NCKAP5: variants seen among roughly 807,000 people sequenced by gnomAD.
NCKAP5 encodes the protein NCK associated protein 5.
A neutral mutation model predicts 167.0 loss-of-function variants in NCKAP5; 92 were observed. That is an observed-to-expected ratio of 0.55 (90% confidence interval 0.47 to 0.66). The LOEUF is 0.66. Among genes scored for constraint, NCKAP5 ranks in the 30% least tolerant of loss-of-function variants. The pLI is 0.00. For synonymous variants in NCKAP5, 891 were observed against 877.4 expected (o/e 1.02, Z -0.27); for missense variants, 2,378 against 2,315.0 (o/e 1.03, Z -0.56).
At chr2:132,869,636 A>G (rs988694) in intron 9 of NCKAP5, among the ~76,000 whole-genome samples, 89,400 of 152,002 alleles carry the variant, frequency 0.59, 27,073 homozygotes, top group East Asian at 0.81. Context: ...TTCTTGTAGC[A>G]AAATGTTGCC....
chr2:132,803,323 G>A (rs1170490118), intron 11 of NCKAP5, among the ~76,000 whole-genome samples: 1 of 152,194 alleles, frequency 6.6e-6, no homozygotes, highest in African/African-American at 2.4e-5. Context: ...ACAACTTTTA[G>A]ACTTGCCTTG....
At chr2:133,660,601 C>T in the NCKAP5 span, among the ~76,000 whole-genome samples, 51 of 152,216 alleles carry the variant, frequency 3.4e-4, no homozygotes, top group Admixed American at 2.8e-3. Context: ...CATACTGAAA[C>T]ATTATAAGTT....
At chr2:133,384,980 C>T (rs144494435) in intron 3 of NCKAP5, among the ~76,000 whole-genome samples, 2,174 of 152,176 alleles carry the variant, frequency 0.014, 48 homozygotes, top group African/African-American at 0.048. Context: ...TATACAATCA[C>T]GTCATCTGCA....
chr2:133,131,348 C>T (rs2082596831), intron 5 of NCKAP5, among the ~76,000 whole-genome samples: 1 of 152,170 alleles, frequency 6.6e-6, no homozygotes, highest in Non-Finnish European at 1.5e-5. Flanking sequence ...CAACTTATCC[C>T]TCATCACTGC....
At chr2:132,778,775 C>G (rs1212796235) in intron 15 of NCKAP5, among the ~76,000 whole-genome samples, 1 of 152,174 alleles carries the variant, frequency 6.6e-6, no homozygotes, top group African/African-American at 2.4e-5. Context: ...CATCAATGTG[C>G]TGTGGTGTTA....
At chr2:133,458,139 T>C (rs1465552014) in intron 3 of NCKAP5, among the ~76,000 whole-genome samples, 2 of 152,192 alleles carry the variant, frequency 1.3e-5, no homozygotes, top group Non-Finnish European at 2.9e-5. Context: ...ACAAACTTTA[T>C]TGAGTTTGGA....
At chr2:133,153,348 G>C (rs1470207455) in intron 5 of NCKAP5, among the ~76,000 whole-genome samples, 1 of 152,114 alleles carries the variant, frequency 6.6e-6, no homozygotes, top group Non-Finnish European at 1.5e-5. Context: ...ATTAATGCAA[G>C]ATGTTAATCA....
chr2:133,484,455 C>T (rs1575040971), intron 3 of NCKAP5, among the ~76,000 whole-genome samples: 1 of 152,300 alleles, frequency 6.6e-6, no homozygotes, highest in South Asian at 2.1e-4. Context: ...GAAACGATGC[C>T]ATTTCCCATC....
chr2:133,091,440 T>C (rs915082280), intron 6 of NCKAP5, among the ~76,000 whole-genome samples: 8 of 152,130 alleles, frequency 5.3e-5, no homozygotes, highest in African/African-American at 1.9e-4. Flanking sequence ...TCAGCAAATA[T>C]TGGTTTACCC....
chr2:133,000,179 C>A (rs578171047), intron 6 of NCKAP5, among the ~76,000 whole-genome samples: 1 of 152,312 alleles, frequency 6.6e-6, no homozygotes, highest in African/African-American at 2.4e-5. Context: ...CTGAAACTTG[C>A]AAATTGCTTT....
intron 8 of NCKAP5, among the ~76,000 whole-genome samples, chr2:132,900,003 T>G (rs780321947): frequency 4.6e-5 from 7 of 152,186 alleles, no homozygotes; most frequent in Non-Finnish European, 1.0e-4. Context: ...TCATTACTGT[T>G]GTGTCTCAGG....
intron 11 of NCKAP5, among the ~76,000 whole-genome samples, chr2:132,797,000 T>C (rs1183881542): frequency 6.6e-6 from 1 of 152,148 alleles, no homozygotes; most frequent in Non-Finnish European, 1.5e-5. Context: ...AAGTAGTAGT[T>C]AAAAAAATAA....
chr2:133,084,765 G>A lies in NCKAP5; in HGVS notation c.341+45213C>T, dbSNP rs2080928475. Among the ~76,000 whole-genome samples, 7 of 152,216 alleles carry A rather than the reference G, an allele frequency of 4.6e-5. No homozygotes were observed. In the South Asian group the frequency reaches 1.4e-3, roughly 32 times the overall value. ...CCACCATTCATGACCTCAGCATCAG[G>A]ACACAGAACATCCTACATGCTTAGC... On this transcript the variant is annotated intron_variant, in intron 6 of 19. Transcript: ENST00000409261.
At chr2:132,741,773 A>G (rs1315667740) in intron 16 of NCKAP5, among the ~76,000 whole-genome samples, 1 of 152,102 alleles carries the variant, frequency 6.6e-6, no homozygotes, top group African/African-American at 2.4e-5. Context: ...TAATTGAAGA[A>G]ATGCCAACTT....
At chr2:133,037,441 A>G (rs1024421177) in intron 6 of NCKAP5, among the ~76,000 whole-genome samples, 1 of 152,198 alleles carries the variant, frequency 6.6e-6, no homozygotes, top group Non-Finnish European at 1.5e-5. Context: ...ACTGGCATAA[A>G]AACAGACACA....
At chr2:132,792,878 A>T (rs1320961161) in intron 12 of NCKAP5, among the ~76,000 whole-genome samples, 4 of 152,174 alleles carry the variant, frequency 2.6e-5, no homozygotes, top group Non-Finnish European at 5.9e-5. Flanking sequence ...ACTCATGTCC[A>T]TGTGTTTACC....
At chr2:133,041,314 C>G (rs1194596466) in intron 6 of NCKAP5, among the ~76,000 whole-genome samples, 25 of 152,110 alleles carry the variant, frequency 1.6e-4, no homozygotes, top group Admixed American at 1.6e-3. Flanking sequence ...CATGTCTTCT[C>G]TCTACAGGAA....
chr2:133,051,459 C>T (rs1409395358), intron 6 of NCKAP5, among the ~76,000 whole-genome samples: 3 of 152,198 alleles, frequency 2.0e-5, no homozygotes, highest in Admixed American at 6.5e-5. Context: ...ATGAAAGGAA[C>T]GTGGGCTGGA....
At chr2:133,388,613 A>G (rs113237553) in intron 3 of NCKAP5, among the ~76,000 whole-genome samples, 6,817 of 152,284 alleles carry the variant, frequency 0.045, 459 homozygotes, top group African/African-American at 0.15. Flanking sequence ...CCTTTTGTTC[A>G]GCTATGCCCT....
Sources: gnomAD v4.1 joint callset for allele counts (sites outside exome capture counted in the v4.1 genomes callset) on GRCh38, gnomAD v4.1.1 for gene constraint, MANE v1.5 for transcripts, NCBI Gene and HGNC (gene_info 2026-07-23, HGNC 2026-07-21) for gene names.